KRAS: variants seen among roughly 807,000 people sequenced by gnomAD.
KRAS encodes KRas proto-oncogene, GTPase.
KRAS carries 1 observed loss-of-function variant against 21.0 expected under a neutral mutation model. That is an observed-to-expected ratio of 0.05 (90% CI 0.02 to 0.23). The LOEUF is 0.23. Among genes scored for constraint, KRAS ranks in the 10% least tolerant of loss-of-function variants. The pLI is 1.00. For synonymous variants in KRAS, 67 were observed against 72.5 expected (o/e 0.92, Z 0.39); for missense variants, 107 against 221.8 (o/e 0.48, Z 3.29).
chr12:25,227,122 ATTAT>A (rs1209223906), intron 3 of KRAS, 108 bp downstream of exon 3: 2 of 702,584 alleles, frequency 2.8e-6, no homozygotes, highest in Admixed American at 3.0e-5. Context: ...CCTCATAAAC[ATTAT>A]TTAAAAATTT....
chr12:25,228,138 C>G (rs1040389385), intron 2 of KRAS, among the ~76,000 whole-genome samples: 1 of 149,826 alleles, frequency 6.7e-6, no homozygotes, highest in Non-Finnish European at 1.5e-5. Flanking sequence ...AAAGGAAATG[C>G]TCACTGGAGC....
intron 2 of KRAS, among the ~76,000 whole-genome samples, chr12:25,233,461 G>A (rs1362023384): frequency 2.6e-5 from 4 of 152,042 alleles, no homozygotes; most frequent in Non-Finnish European, 5.9e-5. Flanking sequence ...AGCTCAGGTG[G>A]GAGGACTGCT....
chr12:25,235,330 C>A (rs11835872), intron 2 of KRAS: 6,358 of 427,370 alleles, frequency 0.015, 202 homozygotes, highest in African/African-American at 0.087. Context: ...GTGTTCCGCA[C>A]TTTCCGTTTA....
At chr12:25,249,225 G>T (rs182400164) in intron 1 of KRAS, among the ~76,000 whole-genome samples, 1 of 152,044 alleles carries the variant, frequency 6.6e-6, no homozygotes, top group Non-Finnish European at 1.5e-5. Context: ...TGAAACCCCC[G>T]TCTCTACTAA....
chr12:25,244,442 T>C (rs1419350146), intron 2 of KRAS, among the ~76,000 whole-genome samples: 1 of 152,172 alleles, frequency 6.6e-6, no homozygotes. Flanking sequence ...CTAATAAATA[T>C]GTTCTGAAAA....
intron 4 of KRAS, among the ~76,000 whole-genome samples, chr12:25,224,855 T>C (rs1049202178): frequency 2.6e-5 from 4 of 152,150 alleles, no homozygotes; most frequent in African/African-American, 9.6e-5. Flanking sequence ...ATGTATTTCT[T>C]AGAAAGTATC....
rs1951133484 is a variant in KRAS, at chr12:25,205,936, GTTACTAAA to G, written c.*3851_*3858del. ...CATGCTATCCAGTATTAACACAGAA[GTTACTAAA>G]TATAAATTCAGCTTTAAGGTAACTG... On this transcript the variant is annotated 3_prime_UTR_variant, in exon 5 of 5. Transcript: ENST00000311936. The G allele has an allele frequency of 4.7e-6, 1 of 213,918 alleles. No individual in the cohort carries two copies. Among genetic ancestry groups the G allele is most frequent in the African/African-American group, 2.3e-5 (1 of 44,332 alleles). The allele number at this position is 213,918 out of a possible 1,614,324, so 13.3% of individuals were successfully genotyped here. A position where few individuals can be genotyped will look rare whatever the true frequency, so the allele number is the denominator to read the frequency against.
chr12:25,206,983 A>G lies in KRAS; in HGVS notation c.*2812T>C, dbSNP rs1471228403. 9.7e-6 allele frequency: 2 copies of G among 206,094 alleles called. No homozygotes were observed. Among genetic ancestry groups the G allele is most frequent in the Non-Finnish European group, 2.0e-5 (2 of 100,768 alleles). 12.8% of individuals were successfully genotyped at this position (206,094 alleles called of 1,614,324 possible). On this transcript the variant is annotated 3_prime_UTR_variant, in exon 5 of 5. Coordinates refer to ENST00000311936, the MANE Select transcript of KRAS (RefSeq NM_004985.5). ...CCTTTAAAACAATGAAGTGATTTAC[A>G]TAAAGTAGCTTGATCGAAGAGTTTC... is the stretch of plus-strand genomic sequence containing the variant.
intron 4 of KRAS, among the ~76,000 whole-genome samples, chr12:25,217,278 A>G (rs191792880): frequency 5.5e-4 from 83 of 152,180 alleles, no homozygotes; most frequent in African/African-American, 1.9e-3. Flanking sequence ...ACACACCTCA[A>G]TTCTTTAGGG....
intron 4 of KRAS, 131 bp downstream of exon 4, chr12:25,225,483 G>T: frequency 2.1e-6 from 2 of 963,338 alleles, no homozygotes; most frequent in Non-Finnish European, 3.2e-6. Flanking sequence ...CCTCTCAAGA[G>T]ACAAAAACAT....
At chr12:25,212,708 C>A (rs1286570964) in intron 4 of KRAS, among the ~76,000 whole-genome samples, 1 of 152,102 alleles carries the variant, frequency 6.6e-6, no homozygotes, top group African/African-American at 2.4e-5. Flanking sequence ...TTTTTCAGGA[C>A]TAAGAAAAGC....
chr12:25,215,369 T>G, intron 4 of KRAS: 3 of 1,604,176 alleles, frequency 1.9e-6, no homozygotes, highest in Non-Finnish European at 2.6e-6. Flanking sequence ...TCTAAAGTGG[T>G]TGCCACCTTG....
chr12:25,221,398 A>C (rs963190637), intron 4 of KRAS, among the ~76,000 whole-genome samples: 1 of 151,950 alleles, frequency 6.6e-6, no homozygotes, highest in African/African-American at 2.4e-5. Flanking sequence ...ACGCCTGGCT[A>C]AGTTTTGTAT....
intron 2 of KRAS, chr12:25,235,116 G>C: frequency 2.4e-6 from 1 of 424,570 alleles, no homozygotes; most frequent in Non-Finnish European, 4.3e-6. Flanking sequence ...AATATAACTA[G>C]AACTGCTGAA....
At chr12:25,241,360 A>T (rs1239374324) in intron 2 of KRAS, among the ~76,000 whole-genome samples, 3 of 152,224 alleles carry the variant, frequency 2.0e-5, no homozygotes, top group East Asian at 1.9e-4. Context: ...AAAGCAAATA[A>T]TTTGACCAGT....
At chr12:25,227,457 T>C (rs2141510809) in intron 2 of KRAS, 45 bp from the exon 3 acceptor site, 1 of 1,583,546 alleles carries the variant, frequency 6.3e-7, no homozygotes, top group Non-Finnish European at 8.7e-7. Context: ...GTGCACCTTT[T>C]ACTTCAAAAA....
chr12:25,219,909 T>C (rs1194744266), intron 4 of KRAS, among the ~76,000 whole-genome samples: 1 of 146,546 alleles, frequency 6.8e-6, no homozygotes, highest in Non-Finnish European at 1.5e-5. Context: ...TTAACGGGGT[T>C]CTTCTAACAA....
At chr12:25,223,080 A>G (rs921057672) in intron 4 of KRAS, among the ~76,000 whole-genome samples, 9 of 152,338 alleles carry the variant, frequency 5.9e-5, no homozygotes, top group African/African-American at 1.9e-4. Flanking sequence ...ATTTGTATGC[A>G]TAAGAAAATA....
intron 2 of KRAS, among the ~76,000 whole-genome samples, chr12:25,231,672 C>T (rs747684974): frequency 3.3e-5 from 5 of 152,082 alleles, no homozygotes; most frequent in Admixed American, 6.6e-5. Context: ...GAGACACATT[C>T]CGTTTCAAAG....
Sources: gnomAD v4.1 joint callset for allele counts (sites outside exome capture counted in the v4.1 genomes callset) on GRCh38, gnomAD v4.1.1 for gene constraint, MANE v1.5 for transcripts, NCBI Gene and HGNC (gene_info 2026-07-23, HGNC 2026-07-21) for gene names.